MAP4K3: variants seen among roughly 807,000 people sequenced by gnomAD.
The protein encoded by MAP4K3 is MAPK/ERK kinase kinase kinase 3.
A neutral mutation model predicts 143.5 loss-of-function variants in MAP4K3; 94 were observed. That is an observed-to-expected ratio of 0.65 (90% CI 0.55 to 0.78). MAP4K3 has a LOEUF of 0.78. MAP4K3 is among the 30% of genes least tolerant of loss of function. The probability of loss-of-function intolerance (pLI) is 0.00; values close to 1 mark genes in which losing one functional copy is unlikely to be tolerated. For synonymous variants in MAP4K3, 416 were observed against 347.2 expected, an observed-to-expected ratio of 1.20 and a Z score of -2.20; for missense variants, 1,077 against 1,068.1, an observed-to-expected ratio of 1.01 and a Z score of -0.12.
intron 7 of MAP4K3, 43 bp downstream of exon 7, chr2:39,333,489 T>A: frequency 6.8e-7 from 1 of 1,472,730 alleles, no homozygotes; most frequent in East Asian, 2.3e-5. Context: ...TTACTATATC[T>A]TAGAATAGAT....
chr2:39,262,095 T>A (rs1329812741), intron 28 of MAP4K3, among the ~76,000 whole-genome samples: 1 of 152,254 alleles, frequency 6.6e-6, no homozygotes, highest in Non-Finnish European at 1.5e-5. Flanking sequence ...GTGTTTTCAC[T>A]GTATTTTCCA....
intron 29 of MAP4K3, among the ~76,000 whole-genome samples, chr2:39,259,391 C>T (rs1680473069): frequency 6.6e-6 from 1 of 152,118 alleles, no homozygotes; most frequent in East Asian, 1.9e-4. Context: ...CTGGTAATTG[C>T]TGCTACATAC....
chr2:39,377,215 T>TTTTTTTTTTTTA (rs1553421056), intron 2 of MAP4K3, among the ~76,000 whole-genome samples: 3 of 150,094 alleles, frequency 2.0e-5, no homozygotes, highest in Non-Finnish European at 4.4e-5. Context: ...TTTTTTTTTT[T>TTTTTTTTTTTTA]AAACAGAAAA....
intron 26 of MAP4K3, among the ~76,000 whole-genome samples, chr2:39,269,410 C>T (rs1273140481): frequency 2.0e-5 from 3 of 151,562 alleles, no homozygotes; most frequent in African/African-American, 7.3e-5. Flanking sequence ...GTCATTCAGT[C>T]CCTCCAATAA....
intron 2 of MAP4K3, among the ~76,000 whole-genome samples, chr2:39,374,462 A>G (rs1573213854): frequency 6.6e-6 from 1 of 152,052 alleles, no homozygotes; most frequent in African/African-American, 2.4e-5. Context: ...CGGGTGGATC[A>G]CCTGAGGTCA....
intron 4 of MAP4K3, among the ~76,000 whole-genome samples, chr2:39,342,133 TA>T (rs1665160677): frequency 6.7e-6 from 1 of 148,920 alleles, no homozygotes; most frequent in Non-Finnish European, 1.5e-5. Flanking sequence ...TTATTATTAT[TA>T]TTATTATTAT....
chr2:39,377,804 T>C (rs548995244), intron 2 of MAP4K3, among the ~76,000 whole-genome samples: 155 of 152,158 alleles, frequency 1.0e-3, no homozygotes, highest in Admixed American at 2.0e-3. Flanking sequence ...ACAAGTTAGC[T>C]CAACTGAGTT....
chr2:39,430,655 G>A (rs1665256556), intron 1 of MAP4K3, among the ~76,000 whole-genome samples: 1 of 152,114 alleles, frequency 6.6e-6, no homozygotes, highest in Non-Finnish European at 1.5e-5. Flanking sequence ...AAAGTCATAT[G>A]TGATAGCCTA....
chr2:39,363,235 C>T (rs1322280459), intron 2 of MAP4K3, among the ~76,000 whole-genome samples: 4 of 152,034 alleles, frequency 2.6e-5, no homozygotes, highest in Non-Finnish European at 4.4e-5. Context: ...AAAAAGCTTC[C>T]GCACAGCACA....
chr2:39,265,571 G>A (rs180762009), intron 27 of MAP4K3, among the ~76,000 whole-genome samples: 4 of 152,150 alleles, frequency 2.6e-5, no homozygotes. Context: ...TGGGGTAAGA[G>A]GAAGGACTTT....
chr2:39,326,113 A>C, intron 9 of MAP4K3, 33 bp downstream of exon 9: 3 of 1,597,386 alleles, frequency 1.9e-6, no homozygotes, highest in African/African-American at 1.3e-5. Context: ...TAAAAACCTT[A>C]AGCGTAAGAT....
intron 2 of MAP4K3, among the ~76,000 whole-genome samples, chr2:39,366,834 T>C (rs552482581): frequency 8.6e-4 from 131 of 152,254 alleles, no homozygotes; most frequent in Non-Finnish European, 1.6e-3. Flanking sequence ...AGATAAGAAA[T>C]TGGCTTAAGT....
At chr2:39,408,465 T>G (rs1314385360) in intron 1 of MAP4K3, among the ~76,000 whole-genome samples, 3 of 152,176 alleles carry the variant, frequency 2.0e-5, no homozygotes, top group Non-Finnish European at 2.9e-5. Context: ...GTCATGAATG[T>G]CTGGAAGAAT....
chr2:39,296,179 ATATTT>A (rs1573110792), intron 16 of MAP4K3, among the ~76,000 whole-genome samples: 1 of 152,366 alleles, frequency 6.6e-6, no homozygotes, highest in African/African-American at 2.4e-5. Flanking sequence ...GTGTGTTAAC[ATATTT>A]TATTAATGAA....
At chr2:39,331,308 G>A (rs889793278) in intron 8 of MAP4K3, among the ~76,000 whole-genome samples, 5 of 152,020 alleles carry the variant, frequency 3.3e-5, no homozygotes, top group African/African-American at 4.8e-5. Context: ...CATAGTAAGC[G>A]GCCAAAAACT....
intron 1 of MAP4K3, among the ~76,000 whole-genome samples, chr2:39,380,583 CT>C (rs1206126965): frequency 6.6e-6 from 1 of 151,986 alleles, no homozygotes; most frequent in Non-Finnish European, 1.5e-5. Context: ...AATGTTCATA[CT>C]TGTGAAGGGC....
At chr2:39,361,075 A>G (rs1046067989) in intron 2 of MAP4K3, among the ~76,000 whole-genome samples, 2 of 152,122 alleles carry the variant, frequency 1.3e-5, no homozygotes, top group Non-Finnish European at 2.9e-5. Flanking sequence ...TGAAATCAGA[A>G]TATCTAATTA....
intron 1 of MAP4K3, among the ~76,000 whole-genome samples, chr2:39,422,380 C>G (rs944491962): frequency 6.6e-6 from 1 of 152,096 alleles, no homozygotes; most frequent in Non-Finnish European, 1.5e-5. Context: ...ATCCCAAACT[C>G]CTCATGTTTG....
chr2:39,375,153 G>A (rs2148577221), intron 2 of MAP4K3, among the ~76,000 whole-genome samples: 1 of 152,176 alleles, frequency 6.6e-6, no homozygotes, highest in Non-Finnish European at 1.5e-5. Flanking sequence ...TAGCTACTTG[G>A]GAGACTGAGG....
Sources: gnomAD v4.1 joint callset for allele counts (sites outside exome capture counted in the v4.1 genomes callset) on GRCh38, gnomAD v4.1.1 for gene constraint, MANE v1.5 for transcripts, NCBI Gene and HGNC (gene_info 2026-07-23, HGNC 2026-07-21) for gene names.